Variants in CAMTA1 observed in about 807,000 individuals in gnomAD.
CAMTA1 encodes the protein calmodulin binding transcription activator 1.
A neutral mutation model predicts 170.9 loss-of-function variants in CAMTA1; 27 were observed. The observed-to-expected ratio is 0.16, with a 90% CI of 0.12 to 0.22. The LOEUF (loss-of-function observed/expected upper bound fraction) is 0.22, where lower values mean the gene tolerates loss of function less well. Among genes scored for constraint, CAMTA1 ranks in the 10% least tolerant of loss-of-function variants. The probability of loss-of-function intolerance (pLI) is 1.00; values close to 1 mark genes in which losing one functional copy is unlikely to be tolerated. For synonymous variants in CAMTA1, 833 were observed against 891.5 expected (o/e 0.93, Z 1.17); for missense variants, 1,619 against 2,217.2 (o/e 0.73, Z 5.42).
intron 5 of CAMTA1, among the ~76,000 whole-genome samples, chr1:7,274,161 G>T (rs1490626850): frequency 6.6e-6 from 1 of 152,050 alleles, no homozygotes; most frequent in Non-Finnish European, 1.5e-5. Flanking sequence ...AAAAGCTAGA[G>T]AGTATCAGAC....
intron 11 of CAMTA1, among the ~76,000 whole-genome samples, chr1:7,713,552 A>G (rs2096587111): frequency 6.6e-6 from 1 of 152,212 alleles, no homozygotes; most frequent in Non-Finnish European, 1.5e-5. Flanking sequence ...TCTTCCCTTA[A>G]TGAGGTGTAA....
At chr1:7,615,176 G>A (rs2095550838) in intron 6 of CAMTA1, among the ~76,000 whole-genome samples, 2 of 152,260 alleles carry the variant, frequency 1.3e-5, no homozygotes, top group Non-Finnish European at 2.9e-5. Flanking sequence ...GGCAAGGTCA[G>A]TGCCAGGCAG....
intron 5 of CAMTA1, among the ~76,000 whole-genome samples, chr1:7,465,232 C>T (rs1430288922): frequency 6.6e-6 from 1 of 152,166 alleles, no homozygotes; most frequent in Non-Finnish European, 1.5e-5. Flanking sequence ...CCTGTGCCCT[C>T]AGGAGCCCCC....
chr1:7,128,975 G>T (rs1424899975), intron 4 of CAMTA1, among the ~76,000 whole-genome samples: 1 of 151,818 alleles, frequency 6.6e-6, no homozygotes, highest in East Asian at 1.9e-4. Context: ...GAGTAGCTGG[G>T]ATTACAGGCA....
At chr1:7,322,969 G>A (rs1259098554) in intron 5 of CAMTA1, among the ~76,000 whole-genome samples, 3 of 71,094 alleles carry the variant, frequency 4.2e-5, no homozygotes, top group Non-Finnish European at 5.2e-5. Flanking sequence ...CCCTTCCTCC[G>A]TTCCTCCCTT....
intron 11 of CAMTA1, among the ~76,000 whole-genome samples, chr1:7,727,839 C>G (rs1016287050): frequency 2.0e-5 from 3 of 152,236 alleles, no homozygotes; most frequent in Admixed American, 1.3e-4. Flanking sequence ...CTAAGCCTTA[C>G]AACCTCAAGA....
intron 1 of CAMTA1, among the ~76,000 whole-genome samples, chr1:6,786,007 G>T (rs939487557): frequency 2.6e-5 from 4 of 151,418 alleles, no homozygotes; most frequent in South Asian, 2.1e-4. Context: ...ATCCGCCTCG[G>T]GTCCTCCTGG....
rs555681138 is a variant in CAMTA1 at position 7,064,060 on chromosome 1, C to T, written c.235-27244C>T. Among the ~76,000 whole-genome samples the T allele has an allele frequency of 6.6e-6, 1 of 152,074 alleles. No homozygotes were observed. Among genetic ancestry groups the T allele is most frequent in the East Asian group, 1.9e-4 (1 of 5,166 alleles). On this transcript the variant is annotated intron_variant, in intron 3 of 22. Transcript: ENST00000303635. This position sits in a 1 kb window ranked among gnomAD's most constrained non-coding sequence, Gnocchi z 5.4. ...CTTCTCATATGGTGGGAGCCTTTGC[C>T]TTCACCTTCTCCTCCTCCTCCTCCT...
In CAMTA1 at chr1:6,820,235, G is replaced by C. The variant is rs765158318; in HGVS notation, c.100G>C (p.Val34Leu). 3.1e-6 allele frequency: 5 copies of C among 1,613,940 alleles called. No individual in the cohort carries two copies. In the South Asian group the frequency reaches 3.3e-5, roughly 11 times the overall value. Residue 34 changes from valine to leucine, a missense_variant, in exon 2 of 23, where the codon GTG becomes CTG. Physicochemically the swap from Val to Leu is conservative, Grantham distance 32 (BLOSUM62 1). Transcript: ENST00000303635. ...GTSTYCVLNT[V>L]PPIEDDHGNS... ...TAGCACCTACTGTGTTCTCAACACC[G>C]TGCCACCTATAGAAGGTAGGATTTG...
At chr1:7,350,687 A>C (rs1384514800) in intron 5 of CAMTA1, among the ~76,000 whole-genome samples, 1 of 152,116 alleles carries the variant, frequency 6.6e-6, no homozygotes, top group Non-Finnish European at 1.5e-5. Context: ...GTTAGTACAG[A>C]ATGGTCAGGT....
chr1:7,104,643 C>A (rs1284056213), intron 4 of CAMTA1, among the ~76,000 whole-genome samples: 1 of 152,184 alleles, frequency 6.6e-6, no homozygotes, highest in African/African-American at 2.4e-5. Flanking sequence ...TAGCACTGTG[C>A]TCCTTTTAAA....
chr1:7,136,170 C>G (rs1363234512), intron 4 of CAMTA1, among the ~76,000 whole-genome samples: 2 of 152,194 alleles, frequency 1.3e-5, no homozygotes, highest in African/African-American at 4.8e-5. Context: ...CTCTTTCAGA[C>G]AGCTCCTCTT....
At position 7,680,730 on chromosome 1, in the gene CAMTA1, G is replaced by A. The variant is rs2096185753; in HGVS notation, c.2914+2997G>A. Among the ~76,000 whole-genome samples the A allele has an allele frequency of 6.6e-6, 1 of 151,918 alleles. No individual in the cohort carries two copies. The highest frequency in any genetic ancestry group is 1.5e-5 in the Non-Finnish European group (1 of 67,938). On this transcript the variant is annotated intron_variant, in intron 11 of 22. Transcript: ENST00000303635. This position sits in a 1 kb window ranked among gnomAD's most constrained non-coding sequence, Gnocchi z 4.4. ...CTTTGTCCCCTCTGCCATGCGCGGG[G>A]GAAAATGTTTGAGGGCGGGGAAGAG...
chr1:7,454,677 C>T (rs1022519916), intron 5 of CAMTA1, among the ~76,000 whole-genome samples: 4 of 152,022 alleles, frequency 2.6e-5, no homozygotes, highest in African/African-American at 7.2e-5. Flanking sequence ...ACCCCCGCTT[C>T]GTCCTACTCA....
intron 7 of CAMTA1, among the ~76,000 whole-genome samples, chr1:7,649,730 C>T (rs544552528): frequency 4.7e-4 from 72 of 152,324 alleles, no homozygotes; most frequent in Non-Finnish European, 8.5e-4. Flanking sequence ...TGCCCAGGGC[C>T]GCTTCAAGGC....
intron 7 of CAMTA1, among the ~76,000 whole-genome samples, chr1:7,653,323 C>T (rs1293596799): frequency 6.6e-6 from 1 of 152,112 alleles, no homozygotes; most frequent in Admixed American, 6.5e-5. Context: ...GTGCAGTGGC[C>T]CGATCACAGC....
At chr1:7,112,009 C>G (rs1644087336) in intron 4 of CAMTA1, among the ~76,000 whole-genome samples, 3 of 151,912 alleles carry the variant, frequency 2.0e-5, no homozygotes, top group Admixed American at 2.0e-4. Flanking sequence ...GCCACCGTCA[C>G]TATGGCTGTC....
chr1:7,494,525 C>T lies in CAMTA1; in HGVS notation c.510+26624C>T, dbSNP rs138089192. Among the ~76,000 whole-genome samples the T allele has an allele frequency of 3.4e-3, 522 of 152,184 alleles. 4 individuals are homozygous for T. Among genetic ancestry groups the T allele is most frequent in the African/African-American group, 0.012 (493 of 41,506 alleles). ...CAGAGGTCAAAGGACCAAGAGGGGCCGGGTGCGGTGGCTTACACCTGTAAT... is the reference window on the plus strand; with the variant it reads ...CAGAGGTCAAAGGACCAAGAGGGGCTGGGTGCGGTGGCTTACACCTGTAAT... On this transcript the variant is annotated intron_variant, in intron 6 of 22. Coordinates refer to ENST00000303635, the MANE Select transcript of CAMTA1 (RefSeq NM_015215.4).
chr1:7,103,862 C>CAT lies in CAMTA1; in HGVS notation c.302+12492_302+12493insTA, dbSNP rs1416200502. On this transcript the variant is annotated intron_variant, in intron 4 of 22. Coordinates refer to ENST00000303635, the MANE Select transcript of CAMTA1 (RefSeq NM_015215.4). ...CACACATGTACACACAACACACATA[C>CAT]ACACACACACAACTACACACATGTA... is the stretch of plus-strand genomic sequence containing the variant. Among the ~76,000 whole-genome samples, 5 of 55,558 alleles carry CAT rather than the reference C, an allele frequency of 9.0e-5. 1 individual carries two copies. Among genetic ancestry groups the CAT allele is most frequent in the African/African-American group, 4.4e-4 (5 of 11,272 alleles). The allele number at this position is 55,558 out of a possible 152,430, so 36.4% of individuals were successfully genotyped here.
Sources: gnomAD v4.1 joint callset for allele counts (sites outside exome capture counted in the v4.1 genomes callset) on GRCh38, gnomAD v4.1.1 for gene constraint, Gnocchi (gnomAD v3.1) non-coding constraint, MANE v1.5 for transcripts, NCBI Gene and HGNC (gene_info 2026-07-23, HGNC 2026-07-21) for gene names.